PSD3: variants seen among roughly 807,000 people sequenced by gnomAD.
PSD3 encodes the protein pleckstrin and Sec7 domain containing 3.
In PSD3, 49 loss-of-function variants were observed where a neutral mutation model predicts 105.5. The observed-to-expected ratio is 0.46, with a 90% CI of 0.37 to 0.59. The LOEUF (loss-of-function observed/expected upper bound fraction) is 0.59, where lower values mean the gene tolerates loss of function less well. PSD3 is among the 20% of genes least tolerant of loss of function. The probability of loss-of-function intolerance (pLI) is 0.00; values close to 1 mark genes in which losing one functional copy is unlikely to be tolerated. For synonymous variants in PSD3, 557 were observed against 457.8 expected (o/e 1.22, Z -2.77); for missense variants, 1,561 against 1,263.8 (o/e 1.24, Z -3.57).
intron 9 of PSD3, among the ~76,000 whole-genome samples, chr8:18,749,798 G>A (rs1805323129): frequency 6.6e-6 from 1 of 152,066 alleles, no homozygotes; most frequent in Non-Finnish European, 1.5e-5. Flanking sequence ...ACACGCAAAG[G>A]ACTAAAGGTG....
intron 11 of PSD3, among the ~76,000 whole-genome samples, chr8:18,620,115 C>G (rs952980253): frequency 6.6e-6 from 1 of 152,306 alleles, no homozygotes; most frequent in South Asian, 2.1e-4. Flanking sequence ...TCTTCAAGTC[C>G]TCAGACAACA....
chr8:18,756,755 G>A (rs112167868), intron 9 of PSD3, among the ~76,000 whole-genome samples: 3,840 of 145,268 alleles, frequency 0.026, 78 homozygotes, highest in Middle Eastern at 0.052. Flanking sequence ...ACAGGCTCCA[G>A]AAGCCTAAAC....
intron 11 of PSD3, among the ~76,000 whole-genome samples, chr8:18,628,262 G>C (rs28795195): frequency 0.091 from 13,791 of 151,568 alleles, 846 homozygotes; most frequent in East Asian, 0.19. Flanking sequence ...AAAACATAAA[G>C]AAAATCACAC....
chr8:18,663,680 A>C (rs368611685), intron 9 of PSD3, among the ~76,000 whole-genome samples: 1 of 152,214 alleles, frequency 6.6e-6, no homozygotes, highest in African/African-American at 2.4e-5. Flanking sequence ...TGCTAGTATG[A>C]ATAACACTAT....
intron 4 of PSD3, among the ~76,000 whole-genome samples, chr8:18,824,879 G>C (rs1475540243): frequency 6.6e-6 from 1 of 152,126 alleles, no homozygotes; most frequent in African/African-American, 2.4e-5. Flanking sequence ...TTTTAGTCAA[G>C]TATTTGAACA....
intron 2 of PSD3, among the ~76,000 whole-genome samples, chr8:18,893,826 C>A (rs933468604): frequency 2.6e-5 from 4 of 152,226 alleles, no homozygotes; most frequent in Non-Finnish European, 5.9e-5. Flanking sequence ...CTCCCAGCTG[C>A]GGTTCTGCCA....
At chr8:18,577,882 A>T (rs1802559157) in intron 12 of PSD3, among the ~76,000 whole-genome samples, 1 of 151,798 alleles carries the variant, frequency 6.6e-6, no homozygotes, top group East Asian at 1.9e-4. Context: ...TCTTTTTTCC[A>T]TCTTGACCTC....
chr8:18,764,834 T>TA (rs1806839680), intron 9 of PSD3, among the ~76,000 whole-genome samples: 2 of 152,190 alleles, frequency 1.3e-5, no homozygotes, highest in African/African-American at 4.8e-5. Context: ...ACTCATATTA[T>TA]CATTATTTTG....
At chr8:18,767,099 T>G (rs186717234) in intron 8 of PSD3, among the ~76,000 whole-genome samples, 1 of 152,114 alleles carries the variant, frequency 6.6e-6, no homozygotes, top group East Asian at 1.9e-4. Context: ...TACAGGAAAG[T>G]GTGAGACCCA....
chr8:18,760,916 T>C (rs1468990577), intron 9 of PSD3, among the ~76,000 whole-genome samples: 1 of 152,114 alleles, frequency 6.6e-6, no homozygotes, highest in Non-Finnish European at 1.5e-5. Context: ...GCAACCCTTG[T>C]CTCCCCCAGG....
intron 10 of PSD3, among the ~76,000 whole-genome samples, chr8:18,655,150 C>T (rs1362988145): frequency 2.0e-5 from 3 of 151,196 alleles, no homozygotes; most frequent in South Asian, 2.1e-4. Flanking sequence ...TGTGAAACCC[C>T]GTCTCTACTA....
intron 1 of PSD3, among the ~76,000 whole-genome samples, chr8:18,960,792 C>T (rs180916304): frequency 7.2e-5 from 11 of 152,250 alleles, no homozygotes; most frequent in African/African-American, 2.6e-4. Context: ...GGTAATCATA[C>T]TCTTAAAGAC....
rs1825224289 is a variant in PSD3 at position 18,981,044 on chromosome 8, C to G, written c.21+32519G>C. On this transcript the variant is annotated intron_variant, in intron 1 of 15. Transcript: ENST00000327040. ...CAGAGTTATTTGCACCCTGGCTCCC[C>G]TGTCCCTGCTCCCCTCCCCCGTGAG... 1.3e-5 allele frequency among the ~76,000 whole-genome samples: 2 copies of G among 152,180 alleles called. 1 individual carries two copies. Among genetic ancestry groups the G allele is most frequent in the Non-Finnish European group, 2.9e-5 (2 of 68,038 alleles).
At chr8:19,007,811 T>C (rs1188525241) in intron 1 of PSD3, among the ~76,000 whole-genome samples, 2 of 152,168 alleles carry the variant, frequency 1.3e-5, no homozygotes, top group Non-Finnish European at 2.9e-5. Flanking sequence ...AAAGCAATGG[T>C]TAATTTTTCT....
At chr8:18,666,775 T>C (rs1799492154) in intron 9 of PSD3, among the ~76,000 whole-genome samples, 1 of 151,158 alleles carries the variant, frequency 6.6e-6, no homozygotes, top group Admixed American at 6.8e-5. Context: ...GGCTGGCAAA[T>C]GTTCAAGTAT....
At position 18,535,887 on chromosome 8, in the gene PSD3, G is replaced by T. The variant is rs752573132; in HGVS notation, c.3000C>A (p.Ser1000Arg). 76 of 1,614,002 alleles carry T rather than the reference G, an allele frequency of 4.7e-5. No individual in the cohort carries two copies. The highest frequency in any genetic ancestry group is 6.3e-5 in the Non-Finnish European group (74 of 1,180,008). Reference protein sequence around the residue: ...GGKELLSNDESEAAGLKKSHS... With the variant: ...GGKELLSNDEREAAGLKKSHS... Reference sequence around the variant, plus strand: ...GCGACTTCTTCAGTCCTGCAGCCTCGCTTTCATCGTTACTCAGTAGCTCTT... The same window carrying T: ...GCGACTTCTTCAGTCCTGCAGCCTCTCTTTCATCGTTACTCAGTAGCTCTT... Residue 1000 changes from serine to arginine, a missense_variant, in exon 16 of 16, where the codon AGC (serine) becomes AGA (arginine). Physicochemically the swap from Ser to Arg is moderately radical, Grantham distance 110. Transcript: ENST00000327040.
intron 1 of PSD3, among the ~76,000 whole-genome samples, chr8:19,077,627 T>A (rs1258218408): frequency 6.6e-6 from 1 of 152,190 alleles, no homozygotes; most frequent in East Asian, 1.9e-4. Flanking sequence ...TGTATAAATG[T>A]TTTATCAGAG....
intron 9 of PSD3, among the ~76,000 whole-genome samples, chr8:18,699,817 G>C (rs1801470256): frequency 1.3e-5 from 2 of 151,866 alleles, no homozygotes; most frequent in African/African-American, 4.8e-5. Context: ...AGTTCATTAG[G>C]GTTTTTCGCA....
chr8:18,620,929 T>C (rs908874065), intron 11 of PSD3, among the ~76,000 whole-genome samples: 54 of 152,346 alleles, frequency 3.5e-4, no homozygotes, highest in South Asian at 2.1e-4. Flanking sequence ...TTCTTTCTCC[T>C]AAATGTTAAT....
Sources: allele counts gnomAD v4.1 joint callset (sites outside exome capture counted in the v4.1 genomes callset), GRCh38; gene constraint gnomAD v4.1.1; transcripts MANE v1.5; gene names NCBI Gene and HGNC (gene_info 2026-07-23, HGNC 2026-07-21).